Variants in SLC6A9 observed in about 807,000 individuals in gnomAD.
SLC6A9 encodes solute carrier family 6 member 9, also known as sodium- and chloride-dependent glycine transporter 1.
In SLC6A9, 31 loss-of-function variants were observed where a neutral mutation model predicts 70.9. That is an observed-to-expected ratio of 0.44 (90% CI 0.33 to 0.59). The LOEUF (loss-of-function observed/expected upper bound fraction) is 0.59, where lower values mean the gene tolerates loss of function less well. Among genes scored for constraint, SLC6A9 ranks in the 20% least tolerant of loss-of-function variants. SLC6A9 has a pLI of 0.04. For missense variants in SLC6A9, 631 were observed against 845.2 expected (o/e 0.75, Z 3.14); for synonymous variants, 310 against 341.3 (o/e 0.91, Z 1.01).
At chr1:44,011,188 C>G (rs1328203084) in intron 2 of SLC6A9, among the ~76,000 whole-genome samples, 7 of 152,172 alleles carry the variant, frequency 4.6e-5, no homozygotes, top group Non-Finnish European at 7.4e-5. Flanking sequence ...GGGCCAGGAG[C>G]CCCCAAGCCC....
chr1:44,010,890 G>A lies in SLC6A9; in HGVS notation c.31-8C>T, dbSNP rs199776633. ...GCTGGGCACAGCACCATTCTGTGGGGACAGGAGAGAAGCTACCATCAGCAA... is the reference window on the plus strand; with the variant it reads ...GCTGGGCACAGCACCATTCTGTGGGAACAGGAGAGAAGCTACCATCAGCAA... On this transcript the variant is annotated splice_polypyrimidine_tract_variant and splice_region_variant and intron_variant, in intron 2 of 13. Coordinates refer to ENST00000372310, the MANE Select transcript of SLC6A9 (RefSeq NM_001024845.3). 51 of 1,613,984 alleles carry A rather than the reference G, an allele frequency of 3.2e-5. 1 individual carries two copies. The South Asian group carries it at 5.5e-4, about 17-fold the overall frequency.
At chr1:44,005,514 G>C (rs527378099) in intron 5 of SLC6A9, among the ~76,000 whole-genome samples, 1 of 152,062 alleles carries the variant, frequency 6.6e-6, no homozygotes, top group Non-Finnish European at 1.5e-5. Flanking sequence ...CAGTGAGATC[G>C]CGCAGCTGTC....
intron 5 of SLC6A9, among the ~76,000 whole-genome samples, chr1:44,003,789 C>T (rs2086213083): frequency 6.8e-6 from 1 of 147,072 alleles, no homozygotes; most frequent in Non-Finnish European, 1.5e-5. Context: ...ACCCAAATTT[C>T]TCCCCTCTGG....
chr1:44,029,260 T>C (rs1030100908), intron 1 of SLC6A9, among the ~76,000 whole-genome samples: 3 of 152,204 alleles, frequency 2.0e-5, no homozygotes, highest in Non-Finnish European at 4.4e-5. Context: ...TGACAGGCTC[T>C]TTTCCTAGCT....
rs200267278 is a variant in SLC6A9 at position 43,997,425 on chromosome 1, A to G, written c.*120T>C. 9.4e-5 allele frequency: 77 copies of G among 823,198 alleles called. No individual in the cohort carries two copies. The highest frequency in any genetic ancestry group is 1.3e-4 in the Non-Finnish European group (66 of 495,674). 51.0% of individuals were successfully genotyped at this position (823,198 alleles called of 1,614,324 possible). A position where few individuals can be genotyped will look rare whatever the true frequency, so the allele number is the denominator to read the frequency against. On this transcript the variant is annotated 3_prime_UTR_variant, in exon 14 of 14. Transcript: ENST00000372310. This position sits in a 1 kb window ranked among gnomAD's most constrained non-coding sequence, Gnocchi z 4.4. ...TGCACTAGCAGTGGTGACCAAGGTGACAGCAGCCGTCCTGGCCAGGGCGTG... is the reference window on the plus strand; with the variant it reads ...TGCACTAGCAGTGGTGACCAAGGTGGCAGCAGCCGTCCTGGCCAGGGCGTG...
intron 2 of SLC6A9, among the ~76,000 whole-genome samples, chr1:44,011,878 G>T (rs1446903774): frequency 6.6e-6 from 1 of 152,176 alleles, no homozygotes; most frequent in Non-Finnish European, 1.5e-5. Flanking sequence ...GGCTCTGCAA[G>T]TCCCTTGGTT....
At chr1:44,015,743 CCTT>C (rs1236264924) in intron 2 of SLC6A9, 2 of 552,738 alleles carry the variant, frequency 3.6e-6, no homozygotes, top group African/African-American at 4.1e-5. Context: ...AATCTTCTGT[CCTT>C]CACCTACATG....
At chr1:44,005,910 G>A (rs573746313) in intron 5 of SLC6A9, among the ~76,000 whole-genome samples, 1 of 152,212 alleles carries the variant, frequency 6.6e-6, no homozygotes, top group South Asian at 2.1e-4. Context: ...GCTCCAGCCC[G>A]CGCTGGGGAG....
In SLC6A9 at chr1:44,001,199, C is replaced by T; in HGVS notation, c.1300G>A (p.Ala434Thr). ...AGGGGGATGCCCAGCAGGAAGCCAG[C>T]CACAGCCACGCCCAAGGTCACATAG... ...KTYVTLGVAV[A>T]GFLLGIPLTS... Residue 434 changes from alanine (A) to threonine (T), a missense_variant, in exon 10 of 14, where the codon GCT becomes ACT. By Grantham distance (58) the Ala-to-Thr change is moderately conservative. Transcript: ENST00000372310. The T allele has an allele frequency of 6.2e-7, 1 of 1,614,236 alleles. No individual in the cohort carries two copies. Among genetic ancestry groups the T allele is most frequent in the Non-Finnish European group, 8.5e-7 (1 of 1,180,036 alleles).
At chr1:44,016,402 G>A (rs1403810482) in intron 2 of SLC6A9, 1 of 152,530 alleles carries the variant, frequency 6.6e-6, no homozygotes, top group African/African-American at 2.4e-5. Context: ...GCCTTTTGAA[G>A]GTCAAGTCAG....
chr1:44,025,390 A>G (rs1407611196), intron 1 of SLC6A9, among the ~76,000 whole-genome samples: 1 of 151,696 alleles, frequency 6.6e-6, no homozygotes, highest in Non-Finnish European at 1.5e-5. Flanking sequence ...GACGGAAGAA[A>G]GGTTAGTTTT....
intron 12 of SLC6A9, among the ~76,000 whole-genome samples, chr1:43,999,518 G>T (rs948417025): frequency 2.0e-5 from 3 of 152,028 alleles, no homozygotes; most frequent in Non-Finnish European, 4.4e-5. Context: ...AGCCGCAGAG[G>T]CTGAGCTCCC....
intron 1 of SLC6A9, among the ~76,000 whole-genome samples, chr1:44,028,473 A>AG (rs1450565263): frequency 6.6e-6 from 1 of 152,208 alleles, no homozygotes; most frequent in African/African-American, 2.4e-5. Context: ...GGGCCAGGCC[A>AG]GGCTGGGCGC....
chr1:44,001,659 C>T, intron 8 of SLC6A9, 32 bp from the exon 9 acceptor site: 1 of 1,552,112 alleles, frequency 6.4e-7, no homozygotes, highest in Non-Finnish European at 8.8e-7. Flanking sequence ...TTCAGCTTCC[C>T]TCTCCCCAAT....
At position 44,018,632 on chromosome 1, in the gene SLC6A9, AT is replaced by A. The variant is rs1270359272; in HGVS notation, c.30+5615del. On this transcript the variant is annotated intron_variant, in intron 2 of 13. Transcript: ENST00000372310. The surrounding 1 kb of genome is among the most constrained non-coding windows in gnomAD (Gnocchi z 4.2). The stretch of plus-strand genomic sequence containing the variant: ...AATAATAATAATAATAATAATAATA[AT>A]AATAAATAAAAATAAAAAGACAGGT... 6.8e-6 allele frequency among the ~76,000 whole-genome samples: 1 copy of A among 146,792 alleles called. No homozygotes were observed. The highest frequency in any genetic ancestry group is 2.5e-5 in the African/African-American group (1 of 40,596).
intron 4 of SLC6A9, among the ~76,000 whole-genome samples, chr1:44,009,042 T>TC (rs2086442160): frequency 6.9e-6 from 1 of 144,286 alleles, no homozygotes; most frequent in Non-Finnish European, 1.5e-5. Flanking sequence ...TTTTTTTTTT[T>TC]GAGACGGAGT....
chr1:44,024,264 C>A lies in SLC6A9; in HGVS notation c.14G>T (p.Gly5Val). 6.2e-7 allele frequency: 1 copy of A among 1,614,246 alleles called. No individual in the cohort carries two copies. Among genetic ancestry groups the A allele is most frequent in the Non-Finnish European group, 8.5e-7 (1 of 1,180,034 alleles). ...TGTACTCACCAGCATCCCTTTGGCA[C>A]CTTTTCCTACCATGGCGGCGGTGGG... is the stretch of plus-strand genomic sequence containing the variant. Reference protein sequence around the residue: MVGKGAKGMLNGAVP... With the variant: MVGKVAKGMLNGAVP... The change falls in exon 2 of 14, where the codon GGT becomes GTT. Residue 5 changes from glycine to valine, a missense_variant. Coordinates refer to ENST00000372310, the MANE Select transcript of SLC6A9 (RefSeq NM_001024845.3).
chr1:44,007,177 C>T (rs2086348865), intron 5 of SLC6A9, among the ~76,000 whole-genome samples: 1 of 152,158 alleles, frequency 6.6e-6, no homozygotes, highest in Admixed American at 6.6e-5. Context: ...TGGTCTTGCC[C>T]CATCCCCTTA....
intron 12 of SLC6A9, 27 bp from the exon 13 acceptor site, chr1:43,998,052 C>T (rs533442269): frequency 1.5e-5 from 24 of 1,584,744 alleles, no homozygotes; most frequent in South Asian, 8.0e-5. Flanking sequence ...TGGGAGTGGG[C>T]GTGAGGCCGA....
Sources: gnomAD v4.1 joint callset for allele counts (sites outside exome capture counted in the v4.1 genomes callset) on GRCh38, gnomAD v4.1.1 for gene constraint, Gnocchi (gnomAD v3.1) non-coding constraint, MANE v1.5 for transcripts, NCBI Gene and HGNC (gene_info 2026-07-23, HGNC 2026-07-21) for gene names.